GRAMD1A: variants seen among roughly 807,000 people sequenced by gnomAD.
The protein encoded by GRAMD1A is protein Aster-A.
In GRAMD1A, 50 loss-of-function variants were observed where a neutral mutation model predicts 92.0. The observed-to-expected ratio is 0.54, with a 90% CI of 0.43 to 0.69. GRAMD1A has a LOEUF of 0.69. GRAMD1A is among the 30% of genes least tolerant of loss of function. The pLI, the probability that GRAMD1A is intolerant of heterozygous loss-of-function variation, is 0.00. For synonymous variants in GRAMD1A, 405 were observed against 403.6 expected, an observed-to-expected ratio of 1.00 and a Z score of -0.04; for missense variants, 819 against 978.9, an observed-to-expected ratio of 0.84 and a Z score of 2.18.
At chr19:34,996,376 C>T (rs1462655661), upstream of GRAMD1A, 19 of 1,088,388 alleles carry the variant, frequency 1.7e-5, no homozygotes, top group Admixed American at 2.8e-5. Flanking sequence ...CTTGTGGCTG[C>T]GGGTCAGAGC....
chr19:35,017,427 G>C (rs1011031997), intron 11 of GRAMD1A, among the ~76,000 whole-genome samples: 1 of 152,102 alleles, frequency 6.6e-6, no homozygotes, highest in Non-Finnish European at 1.5e-5. Context: ...CCTGACTGCA[G>C]GGGATACTGC....
chr19:35,000,148 C>T, upstream of GRAMD1A: 2 of 1,001,668 alleles, frequency 2.0e-6, no homozygotes, highest in African/African-American at 3.5e-5. The surrounding 1 kb of genome is among the most constrained non-coding windows in gnomAD (Gnocchi z 4.9). Context: ...TGTCTCTCTG[C>T]CCCTCTGCTT....
Position 35,013,282 on chromosome 19 carries a change from C to G in GRAMD1A, c.633C>G (p.His211Gln). The G allele has an allele frequency of 6.5e-7, 1 of 1,548,264 alleles. No individual in the cohort carries two copies. ...EKTLSPRELW[H>Q]LVHQCYGSEL... ...CGCTGAGTCCCCGCGAGCTCTGGCACCTGGTGCATCAGTGCTACGGCTCAG... is the reference window on the plus strand; with the variant it reads ...CGCTGAGTCCCCGCGAGCTCTGGCAGCTGGTGCATCAGTGCTACGGCTCAG... The change falls in exon 8 of 20, where the codon CAC becomes CAG. Residue 211 changes from histidine (H) to glutamine (Q), a missense_variant. This residue lies in a region of GRAMD1A where 144 missense variants were observed against 220.3 expected (regional missense o/e 0.65). Transcript: ENST00000317991. This position sits in a 1 kb window ranked among gnomAD's most constrained non-coding sequence, Gnocchi z 4.9.
Position 35,013,150 on chromosome 19 carries a change from T to C in GRAMD1A, c.607-106T>C. On this transcript the variant is annotated intron_variant, in intron 7 of 19. Transcript: ENST00000317991. This position sits in a 1 kb window ranked among gnomAD's most constrained non-coding sequence, Gnocchi z 4.9. ...GTGCGGGAGATCGTGGCTGCCTCCT[T>C]GTGGAAGCCAGGGGAACTGCGGAGG... 1.6e-6 allele frequency: 1 copy of C among 636,736 alleles called. No individual in the cohort carries two copies. The highest frequency in any genetic ancestry group is 2.8e-6 in the Non-Finnish European group (1 of 355,650). 39.4% of individuals were successfully genotyped at this position (636,736 alleles called of 1,614,324 possible). A position where few individuals can be genotyped will look rare whatever the true frequency, so the allele number is the denominator to read the frequency against.
At chr19:35,022,088 GGC>G (rs1420424491) in intron 16 of GRAMD1A, 50 bp downstream of exon 16, 2 of 1,392,848 alleles carry the variant, frequency 1.4e-6, no homozygotes, top group South Asian at 2.4e-5. Flanking sequence ...CCTGCCTCCT[GGC>G]TGTGTGACCT....
rs2015114212 is a variant in GRAMD1A at position 35,010,076 on chromosome 19, T to A, written c.326-16T>A. On this transcript the variant is annotated splice_polypyrimidine_tract_variant and intron_variant, in intron 4 of 19. Transcript: ENST00000317991. ...CGTGACTTGGGTGTCCTCCTGTCTC[T>A]CCCCGCCCCTCTCAGATTACTCCTG... 8 of 1,578,494 alleles carry A rather than the reference T, an allele frequency of 5.1e-6. No homozygotes were observed. Among genetic ancestry groups the A allele is most frequent in the Non-Finnish European group, 7.0e-6 (8 of 1,147,556 alleles).
In GRAMD1A at chr19:35,000,593, TC is replaced by T. The variant is rs2014285896; in HGVS notation, c.8+108del. ...GGGGGCGGAGCGGCCGCTGCAGAGG[TC>T]GGGGGCCTCTGCACATGGCTCTGGC... is the stretch of plus-strand genomic sequence containing the variant. On this transcript the variant is annotated intron_variant, in intron 1 of 19. Transcript: ENST00000317991. This position sits in a 1 kb window ranked among gnomAD's most constrained non-coding sequence, Gnocchi z 4.9. 3 of 431,554 alleles carry T rather than the reference TC, an allele frequency of 7.0e-6. No individual in the cohort carries two copies. The highest frequency in any genetic ancestry group is 9.0e-6 in the Non-Finnish European group (3 of 332,366). The allele number at this position is 431,554 out of a possible 1,614,324, so 26.7% of individuals were successfully genotyped here.
At chr19:34,997,278 G>C (rs2014072537), upstream of GRAMD1A, among the ~76,000 whole-genome samples, 1 of 151,720 alleles carries the variant, frequency 6.6e-6, no homozygotes, top group Non-Finnish European at 1.5e-5. Flanking sequence ...GAGGCCTAAT[G>C]AGGGTAAGTG....
intron 9 of GRAMD1A, 127 bp from the exon 10 acceptor site, chr19:35,014,062 G>C (rs549604006): frequency 1.1e-6 from 1 of 877,150 alleles, no homozygotes; most frequent in African/African-American, 1.7e-5. Flanking sequence ...CAGCTCAGCC[G>C]TGAGCCCTCG....
Position 35,021,767 on chromosome 19 carries a change from G to C in GRAMD1A, c.1656G>C (p.Leu552=). ...ATGCCCGGGGCTTGCTATCCGGCCTGCGGCGGCGGAAGCGGCCCCTGAGCT... is the reference window on the plus strand; with the variant it reads ...ATGCCCGGGGCTTGCTATCCGGCCTCCGGCGGCGGAAGCGGCCCCTGAGCT... ...GKDARGLLSG[L]RRRKRPLSWR... Residue 552 remains leucine (L), a synonymous_variant, in exon 15 of 20, where the codon CTG becomes CTC. Transcript: ENST00000317991. The surrounding 1 kb of genome is among the most constrained non-coding windows in gnomAD (Gnocchi z 5.3). 10 of 1,613,158 alleles carry C rather than the reference G, an allele frequency of 6.2e-6. No individual in the cohort carries two copies. Among genetic ancestry groups the C allele is most frequent in the Non-Finnish European group, 8.5e-6 (10 of 1,179,800 alleles).
intron 11 of GRAMD1A, among the ~76,000 whole-genome samples, 160 bp from the exon 12 acceptor site, chr19:35,019,031 C>G (rs918450797): frequency 5.9e-5 from 9 of 152,146 alleles, no homozygotes; most frequent in Non-Finnish European, 1.3e-4. Context: ...CCTGCCCCAA[C>G]AGCTAAGGTT....
chr19:35,011,140 A>T (rs2015208467), intron 6 of GRAMD1A, among the ~76,000 whole-genome samples: 2 of 148,710 alleles, frequency 1.3e-5, no homozygotes, highest in Non-Finnish European at 3.0e-5. Context: ...GACCATTCTT[A>T]GTGGCAAAGG....
upstream of GRAMD1A, chr19:34,996,158 T>C: frequency 2.0e-6 from 3 of 1,535,938 alleles, no homozygotes; most frequent in Non-Finnish European, 2.6e-6. Flanking sequence ...GGCCTCTGAG[T>C]CCTGGAAGCT....
chr19:34,995,425 A>AG (rs139986702), upstream of GRAMD1A, among the ~76,000 whole-genome samples: 8,116 of 152,270 alleles, frequency 0.053, 267 homozygotes, highest in East Asian at 0.13. Flanking sequence ...CATGCATGCC[A>AG]GAGCCCTCCA....
At chr19:35,009,652 CA>C in intron 3 of GRAMD1A, 1 of 651,262 alleles carries the variant, frequency 1.5e-6, no homozygotes, top group Non-Finnish European at 2.7e-6. Context: ...GAAACAGCCC[CA>C]CCTTACAAGG....
At chr19:34,998,873 T>G (rs1600262388), upstream of GRAMD1A, among the ~76,000 whole-genome samples, 1 of 133,112 alleles carries the variant, frequency 7.5e-6, no homozygotes, top group African/African-American at 2.9e-5. Flanking sequence ...GGCAGGAAGG[T>G]GCCTGGTGAG....
intron 11 of GRAMD1A, among the ~76,000 whole-genome samples, chr19:35,016,219 G>T (rs1001412498): frequency 6.6e-6 from 1 of 152,184 alleles, no homozygotes; most frequent in Non-Finnish European, 1.5e-5. Context: ...TGGCTTATTG[G>T]TTATCATGAG....
chr19:35,022,507 TG>T (rs745742761), intron 16 of GRAMD1A, among the ~76,000 whole-genome samples: 28 of 151,726 alleles, frequency 1.8e-4, no homozygotes, highest in Non-Finnish European at 3.8e-4. Context: ...GCAGAGGGGT[TG>T]GGGCTGGGAG....
chr19:35,006,764 C>T (rs2014849677), intron 1 of GRAMD1A, among the ~76,000 whole-genome samples: 1 of 152,174 alleles, frequency 6.6e-6, no homozygotes, highest in South Asian at 2.1e-4. Context: ...CCGGTGGTAA[C>T]CAAGACCTGA....
Sources: gnomAD v4.1 joint callset for allele counts (sites outside exome capture counted in the v4.1 genomes callset) on GRCh38, gnomAD v4.1.1 for gene constraint, gnomAD v4.1.1 regional missense constraint, Gnocchi (gnomAD v3.1) non-coding constraint, MANE v1.5 for transcripts, NCBI Gene and HGNC (gene_info 2026-07-23, HGNC 2026-07-21) for gene names.